Variants in SPRTN observed in about 807,000 individuals in gnomAD.
The protein encoded by SPRTN is DNA-dependent metalloprotease SPRTN.
SPRTN carries 11 observed loss-of-function variants against 31.9 expected under a neutral mutation model. The observed-to-expected ratio is 0.34, with a 90% CI of 0.22 to 0.57. The LOEUF (loss-of-function observed/expected upper bound fraction) is 0.57, where lower values mean the gene tolerates loss of function less well. Among genes scored for constraint, SPRTN ranks in the 20% least tolerant of loss-of-function variants. The pLI is 0.86. For synonymous variants in SPRTN, 185 were observed against 212.1 expected (o/e 0.87, Z 1.11); for missense variants, 482 against 590.1 (o/e 0.82, Z 1.90).
chr1:231,342,432 T>C (rs1686921834), intron 2 of SPRTN, among the ~76,000 whole-genome samples: 1 of 151,928 alleles, frequency 6.6e-6, no homozygotes, highest in Non-Finnish European at 1.5e-5. Flanking sequence ...TTATTTATTT[T>C]TATTTTTTGT....
chr1:231,345,938 G>C (rs1687044839), intron 2 of SPRTN, among the ~76,000 whole-genome samples: 1 of 151,968 alleles, frequency 6.6e-6, no homozygotes, highest in South Asian at 2.1e-4. Flanking sequence ...TCCGCCTCCT[G>C]AGTAGCTAGG....
intron 2 of SPRTN, among the ~76,000 whole-genome samples, chr1:231,343,257 A>G (rs1194848898): frequency 6.6e-6 from 1 of 151,922 alleles, no homozygotes; most frequent in Admixed American, 6.6e-5. Flanking sequence ...GCCTAGGTAT[A>G]TATACCCTAT....
chr1:231,345,844 C>T (rs1687041340), intron 2 of SPRTN, among the ~76,000 whole-genome samples: 1 of 152,026 alleles, frequency 6.6e-6, no homozygotes, highest in Non-Finnish European at 1.5e-5. Context: ...TTTTTTGAGA[C>T]AGGGTCTTGC....
intron 2 of SPRTN, 193 bp downstream of exon 2, chr1:231,340,061 AC>A (rs1469662895): frequency 1.0e-5 from 5 of 487,466 alleles, no homozygotes; most frequent in East Asian, 3.9e-5. Context: ...AAAAAAAAAA[AC>A]AAAAAAAAGG....
At chr1:231,342,972 C>T (rs1314740722) in intron 2 of SPRTN, among the ~76,000 whole-genome samples, 9 of 150,966 alleles carry the variant, frequency 6.0e-5, no homozygotes, top group African/African-American at 2.0e-4. Context: ...CTCCTGACCT[C>T]GTGATCCGCC....
Position 231,353,085 on chromosome 1 carries a change from TG to T in SPRTN, c.1197del (p.Ser400LeufsTer12). The T allele has an allele frequency of 6.2e-7, 1 of 1,614,088 alleles. No individual in the cohort carries two copies. The highest frequency in any genetic ancestry group is 1.1e-5 in the South Asian group (1 of 91,076). On this transcript the variant is annotated frameshift_variant, in exon 5 of 5. Transcript: ENST00000295050. LOFTEE classifies it low-confidence loss of function (END_TRUNC). ...ASVMPSQDVSGSEDTFPNKRP... is the reference protein window; with the variant it reads ...ASVMPSQDVSXSEDTFPNKRP... ...CTGTGATGCCATCCCAGGATGTGAGTGGGTCTGAAGATACATTCCCAAATAA... is the reference window on the plus strand; with the variant it reads ...CTGTGATGCCATCCCAGGATGTGAGTGGTCTGAAGATACATTCCCAAATAA...
At chr1:231,349,707 A>G (rs1456860265) in intron 3 of SPRTN, among the ~76,000 whole-genome samples, 2 of 152,256 alleles carry the variant, frequency 1.3e-5, no homozygotes, top group African/African-American at 2.4e-5. Flanking sequence ...AGTTACAGGA[A>G]TTGGAAGCAG....
Position 231,338,521 on chromosome 1 carries a change from G to C in SPRTN, c.138G>C (p.Gln46His). The C allele has an allele frequency of 1.2e-6, 2 of 1,614,248 alleles. No homozygotes were observed. The highest frequency in any genetic ancestry group is 1.7e-6 in the Non-Finnish European group (2 of 1,180,044). ...TGGTGGACCCCACACCGGACTTGCAGGCACTGTTTGTTCAGTTTAACGACC... is the reference window on the plus strand; with the variant it reads ...TGGTGGACCCCACACCGGACTTGCACGCACTGTTTGTTCAGTTTAACGACC... ...WELVDPTPDL[Q>H]ALFVQFNDQF... The change falls in exon 1 of 5, where the codon CAG becomes CAC. Residue 46 changes from glutamine (Q) to histidine (H), a missense_variant. Transcript: ENST00000295050.
At chr1:231,351,645 A>G in intron 4 of SPRTN, 74 bp downstream of exon 4, 1 of 1,553,540 alleles carries the variant, frequency 6.4e-7, no homozygotes, top group East Asian at 2.2e-5. Flanking sequence ...TCCTTCAGAG[A>G]ACTGGTATTA....
intron 2 of SPRTN, among the ~76,000 whole-genome samples, chr1:231,344,183 G>A (rs1463631808): frequency 1.3e-5 from 2 of 152,098 alleles, no homozygotes; most frequent in East Asian, 1.9e-4. Context: ...AACTTTTGCA[G>A]TACCTTTCTT....
chr1:231,340,309 A>G (rs111800622), intron 2 of SPRTN, among the ~76,000 whole-genome samples: 2,236 of 152,032 alleles, frequency 0.015, 53 homozygotes, highest in African/African-American at 0.05. Flanking sequence ...GGAGCTTGCA[A>G]TGAGCCGAGA....
intron 1 of SPRTN, 117 bp downstream of exon 1, chr1:231,338,721 G>A (rs1686768253): frequency 5.6e-6 from 7 of 1,247,818 alleles, no homozygotes; most frequent in Admixed American, 2.2e-5. Context: ...TAAATGAGGG[G>A]AGTCTGGTTT....
Position 231,353,755 on chromosome 1 carries a change from T to C in SPRTN, c.*394T>C, listed in dbSNP as rs374949033. Reference sequence around the variant, plus strand: ...TATTTATTAATAGTATTAGAACTCATTCCCTGAACTGATGTAAATCTTCAT... The same window carrying C: ...TATTTATTAATAGTATTAGAACTCACTCCCTGAACTGATGTAAATCTTCAT... On this transcript the variant is annotated 3_prime_UTR_variant, in exon 5 of 5. Transcript: ENST00000295050. 1.9e-5 allele frequency: 19 copies of C among 984,342 alleles called. No individual in the cohort carries two copies. The East Asian group carries it at 1.4e-3, about 70-fold the overall frequency. The allele number at this position is 984,342 out of a possible 1,614,324, so 61.0% of individuals were successfully genotyped here.
chr1:231,340,057 A>AC lies in SPRTN; in HGVS notation c.321+189_321+190insC, dbSNP rs1686826285. The AC allele has an allele frequency of 1.2e-5, 6 of 501,748 alleles. No individual in the cohort carries two copies. The South Asian group carries it at 1.5e-4, about 12-fold the overall frequency. The allele number at this position is 501,748 out of a possible 1,614,324, so 31.1% of individuals were successfully genotyped here. A position where few individuals can be genotyped will look rare whatever the true frequency, so the allele number is the denominator to read the frequency against. ...TATAGTGCTTCATAGTAAAAAAAAA[A>AC]AAAACAAAAAAAAGGCTTCTAGGGG... On this transcript the variant is annotated intron_variant, in intron 2 of 4. Coordinates refer to ENST00000295050, the MANE Select transcript of SPRTN (RefSeq NM_032018.7).
chr1:231,354,890 T>C lies in SPRTN; in HGVS notation c.*1529T>C, dbSNP rs1252352554. ...TGCCAGTTTACACTCCTACCAGCAATGTATGAGAGTTTTAGTTGTTCACCA... is the reference window on the plus strand; with the variant it reads ...TGCCAGTTTACACTCCTACCAGCAACGTATGAGAGTTTTAGTTGTTCACCA... On this transcript the variant is annotated 3_prime_UTR_variant, in exon 5 of 5. Coordinates refer to ENST00000295050, the MANE Select transcript of SPRTN (RefSeq NM_032018.7). 6.5e-6 allele frequency: 3 copies of C among 461,756 alleles called. No individual in the cohort carries two copies. The highest frequency in any genetic ancestry group is 4.2e-5 in the African/African-American group (2 of 47,168). 28.6% of individuals were successfully genotyped at this position (461,756 alleles called of 1,614,324 possible).
chr1:231,354,838 A>G lies in SPRTN; in HGVS notation c.*1477A>G, dbSNP rs114970738. ...GAATGGAATTGCTGAGTCACGGGGT[A>G]TATTTCTGTTTAGCTTTAGTAAATT... On this transcript the variant is annotated 3_prime_UTR_variant, in exon 5 of 5. Coordinates refer to ENST00000295050, the MANE Select transcript of SPRTN (RefSeq NM_032018.7). 5.7e-6 allele frequency: 1 copy of G among 175,230 alleles called. No individual in the cohort carries two copies. Among genetic ancestry groups the G allele is most frequent in the Non-Finnish European group, 1.1e-5 (1 of 89,166 alleles). The allele number at this position is 175,230 out of a possible 1,614,324, so 10.9% of individuals were successfully genotyped here.
At chr1:231,343,768 T>C (rs1686972036) in intron 2 of SPRTN, among the ~76,000 whole-genome samples, 1 of 152,026 alleles carries the variant, frequency 6.6e-6, no homozygotes, top group African/African-American at 2.4e-5. Context: ...CCCTTTACCA[T>C]TCAACTCATC....
chr1:231,338,315 G>T lies in SPRTN; in HGVS notation c.-69G>T. 1.3e-6 allele frequency: 2 copies of T among 1,561,620 alleles called. No individual in the cohort carries two copies. The highest frequency in any genetic ancestry group is 1.7e-6 in the Non-Finnish European group (2 of 1,142,886). ...GCTAGTCCTGGTCCTCGGCTAGGCG[G>T]CTTGGGGTCGCGGCGTAACTGGGGA... On this transcript the variant is annotated 5_prime_UTR_variant, in exon 1 of 5. Coordinates refer to ENST00000295050, the MANE Select transcript of SPRTN (RefSeq NM_032018.7).
intron 3 of SPRTN, among the ~76,000 whole-genome samples, chr1:231,350,837 A>C (rs1687202798): frequency 6.6e-6 from 1 of 152,136 alleles, no homozygotes; most frequent in African/African-American, 2.4e-5. Flanking sequence ...TCAGTCAGGC[A>C]TTTATAGGGA....
Sources: gnomAD v4.1 joint callset for allele counts (sites outside exome capture counted in the v4.1 genomes callset) on GRCh38, gnomAD v4.1.1 for gene constraint, MANE v1.5 for transcripts, NCBI Gene and HGNC (gene_info 2026-07-23, HGNC 2026-07-21) for gene names.